The following RORA variants were observed in gnomAD, a reference collection of about 807,000 sequenced individuals.
RORA encodes the protein nuclear receptor ROR-alpha.
RORA carries 7 observed loss-of-function variants against 69.5 expected under a neutral mutation model. That is an observed-to-expected ratio of 0.10 (90% confidence interval 0.06 to 0.19). The LOEUF (loss-of-function observed/expected upper bound fraction) is 0.19, where lower values mean the gene tolerates loss of function less well. Ranked by LOEUF, RORA falls within the 10% of genes least tolerant of loss-of-function variation. The pLI is 1.00. For synonymous variants in RORA, 261 were observed against 240.8 expected (o/e 1.08, Z -0.78); for missense variants, 457 against 663.0 (o/e 0.69, Z 3.41).
At chr15:61,222,746 G>C (rs1472546571) in intron 1 of RORA, among the ~76,000 whole-genome samples, 2 of 152,090 alleles carry the variant, frequency 1.3e-5, no homozygotes, top group Non-Finnish European at 2.9e-5. Flanking sequence ...TTCCATATTC[G>C]TCCAGTGAAA....
intron 1 of RORA, among the ~76,000 whole-genome samples, chr15:61,177,904 G>A (rs1436820792): frequency 6.6e-6 from 1 of 151,618 alleles, no homozygotes; most frequent in Non-Finnish European, 1.5e-5. Flanking sequence ...GGAGGCTGCA[G>A]TGAGCCGAGA....
intron 1 of RORA, among the ~76,000 whole-genome samples, chr15:61,109,244 T>C (rs1032929420): frequency 1.3e-5 from 2 of 152,174 alleles, no homozygotes; most frequent in South Asian, 4.1e-4. Flanking sequence ...GCTAAGCATG[T>C]TACGTGTATT....
chr15:60,830,504 G>A (rs964120544), intron 1 of RORA, among the ~76,000 whole-genome samples: 3 of 152,102 alleles, frequency 2.0e-5, no homozygotes, highest in South Asian at 2.1e-4. Context: ...ATAGCTCTTC[G>A]ATTCTTAACT....
intron 2 of RORA, chr15:60,601,064 T>C (rs74991093): frequency 6.6e-6 from 1 of 152,326 alleles, no homozygotes; most frequent in African/African-American, 2.4e-5. Context: ...CCAGGTACAC[T>C]GATTCTAGCA....
chr15:61,007,371 G>A (rs1415916759), intron 1 of RORA, among the ~76,000 whole-genome samples: 3 of 151,950 alleles, frequency 2.0e-5, no homozygotes, highest in Non-Finnish European at 4.4e-5. Flanking sequence ...AATTGATATT[G>A]AACCCTTGGC....
intron 2 of RORA, among the ~76,000 whole-genome samples, chr15:60,545,847 G>T (rs895450684): frequency 6.6e-6 from 1 of 152,142 alleles, no homozygotes; most frequent in Non-Finnish European, 1.5e-5. Context: ...AAAACAAAAT[G>T]TCCTCAGTGG....
intron 1 of RORA, among the ~76,000 whole-genome samples, chr15:61,143,084 T>C (rs548510175): frequency 7.2e-5 from 11 of 152,200 alleles, no homozygotes; most frequent in African/African-American, 2.6e-4. Flanking sequence ...TATATGTACC[T>C]AGAACGCCAA....
At chr15:60,530,243 C>G (rs969901294) in intron 3 of RORA, 3 of 152,172 alleles carry the variant, frequency 2.0e-5, no homozygotes, top group African/African-American at 7.2e-5. Flanking sequence ...CACCTTATAA[C>G]CTGGGATGGC....
At chr15:60,818,639 T>C (rs1364677731) in intron 1 of RORA, among the ~76,000 whole-genome samples, 1 of 152,228 alleles carries the variant, frequency 6.6e-6, no homozygotes, top group African/African-American at 2.4e-5. Context: ...AATTAATAAC[T>C]AAGAAGAAAA....
intron 1 of RORA, among the ~76,000 whole-genome samples, chr15:61,132,859 G>T (rs2079203543): frequency 6.6e-6 from 1 of 152,152 alleles, no homozygotes; most frequent in Non-Finnish European, 1.5e-5. Flanking sequence ...ATAAATGTAT[G>T]CTGTTTTCAC....
chr15:60,517,108 T>TG (rs1211028453), intron 3 of RORA, among the ~76,000 whole-genome samples: 1 of 74,420 alleles, frequency 1.3e-5, no homozygotes, highest in East Asian at 4.7e-4. Flanking sequence ...TGTTCATCTG[T>TG]GCTTTTTTTT....
At chr15:60,515,519 T>C (rs2065836968) in intron 3 of RORA, among the ~76,000 whole-genome samples, 1 of 152,170 alleles carries the variant, frequency 6.6e-6, no homozygotes, top group Non-Finnish European at 1.5e-5. Context: ...TTATTTTTGT[T>C]TGTTTTTGCT....
At chr15:60,921,971 G>A (rs1163250295) in intron 1 of RORA, among the ~76,000 whole-genome samples, 2 of 152,194 alleles carry the variant, frequency 1.3e-5, no homozygotes, top group East Asian at 1.9e-4. Flanking sequence ...GACCCCCATG[G>A]ACCCCGTCAC....
chr15:61,106,652 T>C (rs1466574992), intron 1 of RORA, among the ~76,000 whole-genome samples: 1 of 152,200 alleles, frequency 6.6e-6, no homozygotes, highest in Non-Finnish European at 1.5e-5. Flanking sequence ...TTCACACTGA[T>C]TTTACCACTC....
At chr15:61,089,712 G>C (rs1365563895) in intron 1 of RORA, among the ~76,000 whole-genome samples, 1 of 152,170 alleles carries the variant, frequency 6.6e-6, no homozygotes, top group East Asian at 1.9e-4. Context: ...TGTGCGTGGT[G>C]GAGAACAGAC....
In RORA at chr15:61,059,893, A is replaced by C. The variant is rs377438687; in HGVS notation, c.166+169160T>G. Among the ~76,000 whole-genome samples, 25 of 151,240 alleles carry C rather than the reference A, an allele frequency of 1.7e-4. No individual in the cohort carries two copies. In the East Asian group the frequency reaches 3.9e-3, roughly 24 times the overall value. On this transcript the variant is annotated intron_variant, in intron 1 of 10. Transcript: ENST00000335670. ...ATGGAAAAAATGTAAAGGATGAATTAAAACAGTTCCACACGAAGAAGAAGA... is the reference window on the plus strand; with the variant it reads ...ATGGAAAAAATGTAAAGGATGAATTCAAACAGTTCCACACGAAGAAGAAGA...
intron 1 of RORA, among the ~76,000 whole-genome samples, chr15:60,842,521 T>C (rs2073212620): frequency 6.6e-6 from 1 of 152,226 alleles, no homozygotes; most frequent in Non-Finnish European, 1.5e-5. Flanking sequence ...GTTTCATTAC[T>C]TGCACTTTCC....
rs74020845 is a variant in RORA, at chr15:61,090,224, C to A, written c.166+138829G>T. On this transcript the variant is annotated intron_variant, in intron 1 of 10. Transcript: ENST00000335670. ...TTTCACCAATTCCTGGGTCAGGCTG[C>A]ATGAATCACTTTCAAGACCTTGTAT... 3.4e-3 allele frequency among the ~76,000 whole-genome samples: 521 copies of A among 152,286 alleles called. 2 individuals are homozygous for A. Among genetic ancestry groups the A allele is most frequent in the African/African-American group, 0.012 (500 of 41,558 alleles).
rs1309446293 is a variant in RORA at position 60,962,110 on chromosome 15, G to C, written c.166+266943C>G. The stretch of plus-strand genomic sequence containing the variant: ...GCTGCTTTGAATTCCGAGTATCTTT[G>C]CTTTTCTGGAAGTTTTAAAGTTGAG... On this transcript the variant is annotated intron_variant, in intron 1 of 10. Coordinates refer to ENST00000335670, the MANE Select transcript of RORA (RefSeq NM_134261.3). 2.0e-5 allele frequency among the ~76,000 whole-genome samples: 3 copies of C among 152,268 alleles called. No individual in the cohort carries two copies. In the East Asian group the frequency reaches 5.8e-4, roughly 29 times the overall value.
Sources: gnomAD v4.1 joint callset for allele counts (sites outside exome capture counted in the v4.1 genomes callset) on GRCh38, gnomAD v4.1.1 for gene constraint, MANE v1.5 for transcripts, NCBI Gene and HGNC (gene_info 2026-07-23, HGNC 2026-07-21) for gene names.